The following INPP4B variants were observed in gnomAD, a reference collection of about 807,000 sequenced individuals.
INPP4B encodes inositol polyphosphate-4-phosphatase type II B.
A neutral mutation model predicts 122.5 loss-of-function variants in INPP4B; 55 were observed. The ratio of observed to expected loss-of-function variants is 0.45; its 90% CI spans 0.36 to 0.56. The LOEUF (loss-of-function observed/expected upper bound fraction) is 0.56. Ranked by LOEUF, INPP4B falls within the 20% of genes least tolerant of loss-of-function variation. INPP4B has a pLI of 0.00. For missense variants in INPP4B, 1,000 were observed against 1,097.7 expected (o/e 0.91, Z 1.26); for synonymous variants, 403 against 388.7 (o/e 1.04, Z -0.43).
At chr4:142,784,505 A>T (rs992554403) in intron 1 of INPP4B, among the ~76,000 whole-genome samples, 4 of 152,110 alleles carry the variant, frequency 2.6e-5, no homozygotes, top group Non-Finnish European at 4.4e-5. Flanking sequence ...GCAAATACAT[A>T]GAGTCACAAC....
intron 15 of INPP4B, among the ~76,000 whole-genome samples, chr4:142,188,525 A>ATG: frequency 7.2e-6 from 1 of 139,732 alleles, no homozygotes; most frequent in East Asian, 2.1e-4. Context: ...AAAAATATAT[A>ATG]TAGCTTGACT....
At chr4:142,639,241 T>A (rs756511586) in intron 2 of INPP4B, among the ~76,000 whole-genome samples, 76 of 152,186 alleles carry the variant, frequency 5.0e-4, no homozygotes, top group African/African-American at 1.8e-3. Context: ...TTTTGTAATA[T>A]CTTTGGCTTT....
At chr4:142,681,232 C>A (rs1360902146) in intron 2 of INPP4B, among the ~76,000 whole-genome samples, 1 of 151,686 alleles carries the variant, frequency 6.6e-6, no homozygotes, top group Non-Finnish European at 1.5e-5. Context: ...CTTATGTTAC[C>A]ATCCTTTTTT....
intron 2 of INPP4B, among the ~76,000 whole-genome samples, chr4:142,708,751 T>C (rs1170879039): frequency 2.6e-5 from 4 of 152,154 alleles, no homozygotes; most frequent in African/African-American, 9.7e-5. Flanking sequence ...GGAGAATCTC[T>C]ACTAGGGCAA....
At position 142,024,570 on chromosome 4, in the gene INPP4B, C is replaced by A. The variant is rs1201563545; in HGVS notation, c.*4212G>T. The stretch of plus-strand genomic sequence containing the variant: ...ACAAATGGTGCCTCATATATTGAAC[C>A]AAACAAATGATATACCATCCTGCTT... On this transcript the variant is annotated 3_prime_UTR_variant, in exon 26 of 26. Transcript: ENST00000262992. 2 of 151,980 alleles carry A rather than the reference C, an allele frequency of 1.3e-5. No homozygotes were observed. The highest frequency in any genetic ancestry group is 2.9e-5 in the Non-Finnish European group (2 of 67,978). The allele number at this position is 151,980 out of a possible 1,614,324, so 9.4% of individuals were successfully genotyped here. A position where few individuals can be genotyped will look rare whatever the true frequency, so the allele number is the denominator to read the frequency against.
chr4:142,568,382 G>T (rs545541141), intron 2 of INPP4B, among the ~76,000 whole-genome samples: 105 of 152,154 alleles, frequency 6.9e-4, no homozygotes, highest in African/African-American at 2.4e-3. Flanking sequence ...CCAGATATCG[G>T]CTTGCTGGCA....
chr4:142,748,398 C>T (rs1184791691), intron 1 of INPP4B, among the ~76,000 whole-genome samples: 1 of 151,316 alleles, frequency 6.6e-6, no homozygotes, highest in African/African-American at 2.4e-5. Context: ...GAACAGAAGC[C>T]AAAGAATTAA....
At chr4:142,429,458 C>A (rs577311549) in intron 4 of INPP4B, among the ~76,000 whole-genome samples, 2 of 152,042 alleles carry the variant, frequency 1.3e-5, no homozygotes, top group East Asian at 3.9e-4. Context: ...TATAAAGAAA[C>A]CAAGAAATGT....
chr4:142,465,289 T>C (rs910789758), intron 2 of INPP4B, among the ~76,000 whole-genome samples: 14 of 152,254 alleles, frequency 9.2e-5, no homozygotes, highest in African/African-American at 2.9e-4. Context: ...TCAGCTCCCA[T>C]CATGTAGCAA....
chr4:142,729,526 G>A (rs1765790302), intron 1 of INPP4B, among the ~76,000 whole-genome samples: 1 of 151,722 alleles, frequency 6.6e-6, no homozygotes, highest in Non-Finnish European at 1.5e-5. Context: ...AAAAGGAAAG[G>A]TGAGGAAACA....
chr4:142,820,160 T>C (rs1561106579), intron 1 of INPP4B, among the ~76,000 whole-genome samples: 1 of 152,162 alleles, frequency 6.6e-6, no homozygotes. Context: ...AAATGTGCTA[T>C]AGTTTAGAGA....
chr4:142,560,950 G>C (rs1449503055), intron 2 of INPP4B, among the ~76,000 whole-genome samples: 3 of 152,066 alleles, frequency 2.0e-5, no homozygotes, highest in African/African-American at 4.8e-5. Context: ...TCTCACATAG[G>C]TTGATAAAAT....
intron 3 of INPP4B, among the ~76,000 whole-genome samples, chr4:142,439,076 C>T (rs1030259541): frequency 1.5e-4 from 23 of 152,220 alleles, no homozygotes; most frequent in African/African-American, 5.1e-4. Context: ...GTCTGAGCCT[C>T]GAGCCTCCAT....
chr4:142,304,407 G>A (rs1020719520), intron 9 of INPP4B, among the ~76,000 whole-genome samples: 5 of 151,924 alleles, frequency 3.3e-5, no homozygotes, highest in Admixed American at 2.6e-4. Context: ...AAGCTAGAGC[G>A]GATGGCAGCC....
chr4:142,634,993 C>T (rs912673010), intron 2 of INPP4B, among the ~76,000 whole-genome samples: 8 of 151,624 alleles, frequency 5.3e-5, no homozygotes, highest in South Asian at 2.1e-4. Context: ...GCATCTATAA[C>T]GAACTTAAAA....
At chr4:142,781,433 T>C (rs1472686566) in intron 1 of INPP4B, among the ~76,000 whole-genome samples, 2 of 152,192 alleles carry the variant, frequency 1.3e-5, no homozygotes, top group Admixed American at 1.3e-4. Flanking sequence ...CAGCTTTCAG[T>C]CACTTTATGA....
intron 25 of INPP4B, among the ~76,000 whole-genome samples, chr4:142,074,862 A>G (rs540533194): frequency 6.6e-6 from 1 of 152,076 alleles, no homozygotes; most frequent in Non-Finnish European, 1.5e-5. Flanking sequence ...TTATCCACTT[A>G]GATAATTCTA....
At chr4:142,208,269 C>A (rs1208733072) in intron 14 of INPP4B, among the ~76,000 whole-genome samples, 156 bp downstream of exon 14, 1 of 152,102 alleles carries the variant, frequency 6.6e-6, no homozygotes, top group African/African-American at 2.4e-5. Flanking sequence ...ATATCATAGT[C>A]TCTTTAACAG....
At chr4:142,156,756 T>C (rs1166650823) in intron 17 of INPP4B, among the ~76,000 whole-genome samples, 2 of 152,092 alleles carry the variant, frequency 1.3e-5, no homozygotes, top group African/African-American at 4.8e-5. Flanking sequence ...AGCCTCATAG[T>C]GATTTAGAGT....
Sources: gnomAD v4.1 joint callset for allele counts (sites outside exome capture counted in the v4.1 genomes callset) on GRCh38, gnomAD v4.1.1 for gene constraint, MANE v1.5 for transcripts, NCBI Gene and HGNC (gene_info 2026-07-23, HGNC 2026-07-21) for gene names.